Variants in ZBTB20 observed in about 807,000 individuals in gnomAD.
ZBTB20 encodes the protein zinc finger and BTB domain-containing protein 20.
In ZBTB20, 9 loss-of-function variants were observed where a neutral mutation model predicts 56.9. The observed-to-expected ratio is 0.16, with a 90% CI of 0.10 to 0.28. The LOEUF (loss-of-function observed/expected upper bound fraction) is 0.28. Ranked by LOEUF, ZBTB20 falls within the 10% of genes least tolerant of loss-of-function variation. The probability of loss-of-function intolerance (pLI) is 1.00; values close to 1 mark genes in which losing one functional copy is unlikely to be tolerated. For missense variants in ZBTB20, 655 were observed against 1,003.0 expected (o/e 0.65, Z 4.69); for synonymous variants, 417 against 420.7 (o/e 0.99, Z 0.11).
At chr3:115,130,707 T>C (rs907341162) in intron 1 of ZBTB20, among the ~76,000 whole-genome samples, 7 of 152,238 alleles carry the variant, frequency 4.6e-5, no homozygotes, top group African/African-American at 1.7e-4. Flanking sequence ...GATTCAGAAA[T>C]ATGAACTCAT....
chr3:114,924,326 C>T (rs543885136), intron 3 of ZBTB20, among the ~76,000 whole-genome samples: 226 of 151,948 alleles, frequency 1.5e-3, no homozygotes, highest in African/African-American at 4.3e-3. Context: ...ATGGGTAAAG[C>T]GGATAAATGA....
chr3:114,988,788 C>T (rs1242176592), intron 2 of ZBTB20, among the ~76,000 whole-genome samples: 2 of 152,114 alleles, frequency 1.3e-5, no homozygotes, highest in Non-Finnish European at 2.9e-5. Context: ...TTAATGATCG[C>T]CATTCTAACT....
At chr3:114,669,129 C>A (rs1342031831) in intron 6 of ZBTB20, among the ~76,000 whole-genome samples, 1 of 152,058 alleles carries the variant, frequency 6.6e-6, no homozygotes, top group African/African-American at 2.4e-5. Flanking sequence ...TTTTGATAAT[C>A]CAAACTGAGG....
At position 115,128,768 on chromosome 3, in the gene ZBTB20, T is replaced by TG. The variant is rs533823660; in HGVS notation, c.-703+18450dup. Among the ~76,000 whole-genome samples, 331 of 119,814 alleles carry TG rather than the reference T, an allele frequency of 2.8e-3. 1 individual carries two copies. The highest frequency in any genetic ancestry group is 4.4e-3 in the Admixed American group (54 of 12,376). The allele number at this position is 119,814 out of a possible 152,430, so 78.6% of individuals were successfully genotyped here. On this transcript the variant is annotated intron_variant, in intron 1 of 11. Coordinates refer to ENST00000675478, the MANE Select transcript of ZBTB20 (RefSeq NM_001348800.3). ...AGGGGAGGGGAGGGGAGGGAAGGGA[T>TG]GGGAAGGGAGAAAGAGCAAAGACTG...
At chr3:114,495,929 T>C (rs1473674683) in intron 7 of ZBTB20, among the ~76,000 whole-genome samples, 3 of 152,214 alleles carry the variant, frequency 2.0e-5, no homozygotes, top group African/African-American at 7.2e-5. Flanking sequence ...AGGTGGTTCC[T>C]GATATTTTAA....
intron 2 of ZBTB20, among the ~76,000 whole-genome samples, chr3:115,062,650 T>C (rs2082052343): frequency 6.6e-6 from 1 of 152,110 alleles, no homozygotes; most frequent in South Asian, 2.1e-4. Flanking sequence ...AGCACACTCA[T>C]ACTAGATTTT....
chr3:114,961,558 T>C (rs1304784244), intron 3 of ZBTB20, among the ~76,000 whole-genome samples: 3 of 152,118 alleles, frequency 2.0e-5, no homozygotes, highest in Admixed American at 1.3e-4. Context: ...ACTCTAATTG[T>C]TCTAATTGAT....
chr3:114,725,431 C>T (rs1001080037), intron 5 of ZBTB20, among the ~76,000 whole-genome samples: 3 of 152,032 alleles, frequency 2.0e-5, no homozygotes, highest in Non-Finnish European at 4.4e-5. Flanking sequence ...TTGGTAAATT[C>T]CTTGAATAAA....
At chr3:114,405,308 T>C (rs574863127) in intron 7 of ZBTB20, among the ~76,000 whole-genome samples, 1 of 152,252 alleles carries the variant, frequency 6.6e-6, no homozygotes, top group African/African-American at 2.4e-5. Context: ...GAAGCTAAAA[T>C]GTCTACATTT....
chr3:114,496,559 C>T (rs983434056), intron 7 of ZBTB20, among the ~76,000 whole-genome samples: 2 of 152,160 alleles, frequency 1.3e-5, no homozygotes, highest in African/African-American at 4.8e-5. Context: ...CACACCCACG[C>T]ATATCCTCCC....
At chr3:114,890,658 G>A (rs937519708) in intron 4 of ZBTB20, among the ~76,000 whole-genome samples, 1 of 152,062 alleles carries the variant, frequency 6.6e-6, no homozygotes, top group Admixed American at 6.6e-5. Flanking sequence ...TAAATGACAA[G>A]TTAAGGGGTG....
At chr3:114,907,473 T>C (rs527985675) in intron 3 of ZBTB20, among the ~76,000 whole-genome samples, 1 of 151,978 alleles carries the variant, frequency 6.6e-6, no homozygotes, top group Admixed American at 6.6e-5. Flanking sequence ...AAGTCTGAGA[T>C]GCACCGCATA....
intron 2 of ZBTB20, among the ~76,000 whole-genome samples, chr3:115,000,411 AT>A (rs1339787948): frequency 3.3e-5 from 5 of 151,594 alleles, no homozygotes; most frequent in African/African-American, 1.2e-4. Flanking sequence ...GAATATTATA[AT>A]TTTAAAATAA....
At chr3:115,030,996 T>C (rs1178611773) in intron 2 of ZBTB20, among the ~76,000 whole-genome samples, 1 of 151,492 alleles carries the variant, frequency 6.6e-6, no homozygotes, top group Admixed American at 6.6e-5. Context: ...CAGCTTTAAG[T>C]AATTTTCTGT....
chr3:114,458,150 G>A (rs560661125), intron 7 of ZBTB20, among the ~76,000 whole-genome samples: 13 of 152,146 alleles, frequency 8.5e-5, no homozygotes, highest in South Asian at 2.1e-4. Flanking sequence ...AATATCTGAC[G>A]GCATTTTCAG....
At chr3:115,015,273 A>G (rs1436190652) in intron 2 of ZBTB20, among the ~76,000 whole-genome samples, 2 of 151,854 alleles carry the variant, frequency 1.3e-5, no homozygotes, top group Non-Finnish European at 2.9e-5. Flanking sequence ...TTCCTATAAG[A>G]TACATAAATA....
At chr3:115,128,922 AC>A (rs1464736083) in intron 1 of ZBTB20, among the ~76,000 whole-genome samples, 2 of 152,070 alleles carry the variant, frequency 1.3e-5, no homozygotes, top group East Asian at 3.9e-4. Flanking sequence ...ACACAGTGAA[AC>A]CCCGTCTCTA....
At chr3:114,717,160 C>A (rs1238135375) in intron 5 of ZBTB20, among the ~76,000 whole-genome samples, 1 of 152,130 alleles carries the variant, frequency 6.6e-6, no homozygotes, top group African/African-American at 2.4e-5. Context: ...AATCTAACCA[C>A]CTACCTCATA....
chr3:114,921,769 T>C (rs984201857), intron 3 of ZBTB20, among the ~76,000 whole-genome samples: 3 of 150,188 alleles, frequency 2.0e-5, no homozygotes, highest in African/African-American at 7.3e-5. Context: ...ATGTAAATGA[T>C]GAGTTAATGG....
Sources: gnomAD v4.1 joint callset for allele counts (sites outside exome capture counted in the v4.1 genomes callset) on GRCh38, gnomAD v4.1.1 for gene constraint, MANE v1.5 for transcripts, NCBI Gene and HGNC (gene_info 2026-07-23, HGNC 2026-07-21) for gene names.